Variants in EPHA6 observed in about 807,000 individuals in gnomAD.
The protein encoded by EPHA6 is EPH receptor A6, also known as ephrin type-A receptor 6.
A neutral mutation model predicts 112.0 loss-of-function variants in EPHA6; 50 were observed. The ratio of observed to expected loss-of-function variants is 0.45; its 90% CI spans 0.36 to 0.56. The LOEUF (loss-of-function observed/expected upper bound fraction) is 0.56. Ranked by LOEUF, EPHA6 falls within the 20% of genes least tolerant of loss-of-function variation. The probability of loss-of-function intolerance (pLI) is 0.00; values close to 1 mark genes in which losing one functional copy is unlikely to be tolerated. For missense variants in EPHA6, 1,280 were observed against 1,417.4 expected, an observed-to-expected ratio of 0.90 and a Z score of 1.56; for synonymous variants, 529 against 490.7, an observed-to-expected ratio of 1.08 and a Z score of -1.03.
At chr3:96,995,856 T>G (rs1394392421) in intron 3 of EPHA6, among the ~76,000 whole-genome samples, 4 of 152,064 alleles carry the variant, frequency 2.6e-5, no homozygotes, top group African/African-American at 7.2e-5. Flanking sequence ...GCTGACAGAT[T>G]AGGGTGGCAG....
rs139019438 is a variant in EPHA6 at position 97,191,276 on chromosome 3, G to A, written c.1115-34988G>A. On this transcript the variant is annotated intron_variant, in intron 3 of 17. Transcript: ENST00000389672. ...GCCTAATAATTACATCAGGGTAAATGATTATCCATCACCTCATGTATTTAT... is the reference window on the plus strand; with the variant it reads ...GCCTAATAATTACATCAGGGTAAATAATTATCCATCACCTCATGTATTTAT... Among the ~76,000 whole-genome samples, 699 of 152,040 alleles carry A rather than the reference G, an allele frequency of 4.6e-3. 5 individuals are homozygous for A. Among genetic ancestry groups the A allele is most frequent in the Non-Finnish European group, 6.8e-3 (462 of 67,974 alleles).
intron 5 of EPHA6, among the ~76,000 whole-genome samples, chr3:97,387,324 T>G (rs1395837834): frequency 6.6e-6 from 1 of 152,032 alleles, no homozygotes; most frequent in Non-Finnish European, 1.5e-5. Context: ...CAGTTTTTTT[T>G]TTTTTTTTGC....
intron 2 of EPHA6, among the ~76,000 whole-genome samples, chr3:96,880,631 A>AT (rs1279210783): frequency 3.3e-5 from 5 of 152,126 alleles, no homozygotes; most frequent in Non-Finnish European, 5.9e-5. Context: ...CACTGCCTCT[A>AT]TTTAGAGTGA....
chr3:97,354,484 G>C (rs1432582068), intron 5 of EPHA6, among the ~76,000 whole-genome samples: 1 of 152,006 alleles, frequency 6.6e-6, no homozygotes, highest in African/African-American at 2.4e-5. Context: ...GAATGCATCA[G>C]AGTCTCTCAA....
At chr3:96,899,721 G>GTATTT (rs1385251506) in intron 2 of EPHA6, among the ~76,000 whole-genome samples, 22 of 152,190 alleles carry the variant, frequency 1.4e-4, no homozygotes, top group Non-Finnish European at 1.5e-5. Flanking sequence ...TCTGTTTTTA[G>GTATTT]TATTTTATTT....
chr3:97,276,916 T>TCC (rs2080103278), intron 5 of EPHA6, among the ~76,000 whole-genome samples: 1 of 152,136 alleles, frequency 6.6e-6, no homozygotes, highest in Non-Finnish European at 1.5e-5. Context: ...GGGGGAGGGC[T>TCC]AGTCGTGGAA....
At chr3:97,004,405 CT>C (rs1293639734) in intron 3 of EPHA6, among the ~76,000 whole-genome samples, 3 of 152,130 alleles carry the variant, frequency 2.0e-5, no homozygotes, top group Non-Finnish European at 4.4e-5. Flanking sequence ...TGCTGTTGAG[CT>C]TTTTTTCATA....
chr3:97,681,154 G>T (rs967140789), intron 14 of EPHA6, among the ~76,000 whole-genome samples: 3 of 152,018 alleles, frequency 2.0e-5, no homozygotes, highest in African/African-American at 7.2e-5. Context: ...CTAGTAATCA[G>T]AAAAATGCAA....
rs1214503767 is a variant in EPHA6 at position 97,302,494 on chromosome 3, T to TATG, written c.1606+58209_1606+58210insGAT. 7.9e-5 allele frequency among the ~76,000 whole-genome samples: 12 copies of TATG among 151,120 alleles called. No homozygotes were observed. In the East Asian group the frequency reaches 2.3e-3, roughly 29 times the overall value. ...CCTCAGGTGTTTTTTTTTTTTAATT[T>TATG]ATTATTATTATTATTTTTTTGTCAC... is the stretch of plus-strand genomic sequence containing the variant. On this transcript the variant is annotated intron_variant, in intron 5 of 17. Coordinates refer to ENST00000389672, the MANE Select transcript of EPHA6 (RefSeq NM_001080448.3).
chr3:96,915,729 G>A (rs768561289), intron 2 of EPHA6, among the ~76,000 whole-genome samples: 2 of 152,018 alleles, frequency 1.3e-5, no homozygotes, highest in Non-Finnish European at 2.9e-5. Context: ...AATTGCAGCA[G>A]CAGTAGTAAT....
At chr3:96,977,232 G>T (rs138817028) in intron 2 of EPHA6, among the ~76,000 whole-genome samples, 1 of 152,100 alleles carries the variant, frequency 6.6e-6, no homozygotes, top group African/African-American at 2.4e-5. Context: ...GAATGGAACT[G>T]CAGGCTATTA....
intron 3 of EPHA6, among the ~76,000 whole-genome samples, chr3:97,123,784 C>T (rs1442827566): frequency 1.3e-5 from 2 of 152,036 alleles, no homozygotes; most frequent in African/African-American, 2.4e-5. Context: ...TTCAAGTGGA[C>T]AAGTGATTTG....
intron 3 of EPHA6, among the ~76,000 whole-genome samples, chr3:97,151,861 T>A (rs555405462): frequency 1.6e-4 from 24 of 152,146 alleles, no homozygotes; most frequent in African/African-American, 5.8e-4. Context: ...TATATTATTT[T>A]AAATCAGTAT....
chr3:97,098,720 G>A (rs968900028), intron 3 of EPHA6, among the ~76,000 whole-genome samples: 3 of 151,926 alleles, frequency 2.0e-5, no homozygotes, highest in South Asian at 2.1e-4. Context: ...AACAAAAATA[G>A]GGGTATCTGG....
intron 5 of EPHA6, among the ~76,000 whole-genome samples, chr3:97,253,964 T>C (rs554451586): frequency 6.6e-6 from 1 of 152,138 alleles, no homozygotes; most frequent in South Asian, 2.1e-4. Flanking sequence ...CAGCTCTAGA[T>C]AGGGATTGCA....
intron 5 of EPHA6, among the ~76,000 whole-genome samples, chr3:97,336,957 C>T (rs1034081758): frequency 1.3e-5 from 2 of 151,390 alleles, no homozygotes; most frequent in Non-Finnish European, 2.9e-5. Context: ...GTTACTGTAA[C>T]AGGAAACCAG....
intron 11 of EPHA6, among the ~76,000 whole-genome samples, chr3:97,533,622 T>C (rs569908632): frequency 6.6e-6 from 1 of 152,200 alleles, no homozygotes; most frequent in Admixed American, 6.6e-5. Flanking sequence ...CTTTTCTATG[T>C]AACAAACCTT....
At position 97,411,919 on chromosome 3, in the gene EPHA6, T is replaced by G. The variant is rs141983624; in HGVS notation, c.1731+6645T>G. 3.9e-3 allele frequency among the ~76,000 whole-genome samples: 599 copies of G among 152,126 alleles called. 6 individuals are homozygous for G. The highest frequency in any genetic ancestry group is 0.013 in the African/African-American group (558 of 41,516). ...AACAAGACCTACTGTTCAGATTATT[T>G]TTTATATATTTGTGTCTTTATAGAT... On this transcript the variant is annotated intron_variant, in intron 6 of 17. Coordinates refer to ENST00000389672, the MANE Select transcript of EPHA6 (RefSeq NM_001080448.3).
intron 5 of EPHA6, among the ~76,000 whole-genome samples, chr3:97,328,567 G>T (rs940651224): frequency 7.3e-5 from 11 of 151,650 alleles, no homozygotes; most frequent in African/African-American, 2.7e-4. Flanking sequence ...CACTGCTGAG[G>T]TTTGAGAGTT....
Sources: gnomAD v4.1 joint callset for allele counts (sites outside exome capture counted in the v4.1 genomes callset) on GRCh38, gnomAD v4.1.1 for gene constraint, MANE v1.5 for transcripts, NCBI Gene and HGNC (gene_info 2026-07-23, HGNC 2026-07-21) for gene names.